The following NMT2 variants were observed in gnomAD, a reference collection of about 807,000 sequenced individuals.
The protein encoded by NMT2 is N-myristoyltransferase 2, also known as glycylpeptide N-tetradecanoyltransferase 2.
NMT2 carries 35 observed loss-of-function variants against 65.4 expected under a neutral mutation model. That is an observed-to-expected ratio of 0.54 (90% CI 0.41 to 0.71). The LOEUF (loss-of-function observed/expected upper bound fraction) is 0.71. NMT2 is among the 30% of genes least tolerant of loss of function. The probability of loss-of-function intolerance (pLI) is 0.00; values close to 1 mark genes in which losing one functional copy is unlikely to be tolerated. For synonymous variants in NMT2, 226 were observed against 231.8 expected (o/e 0.98, Z 0.23); for missense variants, 489 against 611.3 (o/e 0.80, Z 2.11).
intron 1 of NMT2, among the ~76,000 whole-genome samples, chr10:15,145,774 T>C (rs532130801): frequency 4.2e-4 from 64 of 151,926 alleles, no homozygotes; most frequent in African/African-American, 1.4e-3. Flanking sequence ...TCCCTGGGGG[T>C]GACAGGATGA....
At chr10:15,138,717 G>A (rs1203896766) in intron 2 of NMT2, among the ~76,000 whole-genome samples, 1 of 152,124 alleles carries the variant, frequency 6.6e-6, no homozygotes, top group Non-Finnish European at 1.5e-5. Context: ...AGAATATTCT[G>A]CAATGCAGTC....
rs754562984 is a variant in NMT2 at position 15,151,014 on chromosome 10, A to G, written c.111-9457T>C. 2.7e-5 allele frequency among the ~76,000 whole-genome samples: 4 copies of G among 149,964 alleles called. No individual in the cohort carries two copies. In the South Asian group the frequency reaches 8.4e-4, roughly 31 times the overall value. ...TTTTTGGTTCTCCTAAACCTGTACC[A>G]TATTTGAAATGTGGGAATGTATATT... On this transcript the variant is annotated intron_variant, in intron 1 of 11. Coordinates refer to ENST00000378165, the MANE Select transcript of NMT2 (RefSeq NM_004808.3).
chr10:15,146,826 C>T (rs1846981213), intron 1 of NMT2, among the ~76,000 whole-genome samples: 1 of 152,118 alleles, frequency 6.6e-6, no homozygotes, highest in Non-Finnish European at 1.5e-5. Context: ...GGTGCAGCGG[C>T]TCACGCCTGT....
At chr10:15,159,910 T>C (rs1833130495) in intron 1 of NMT2, among the ~76,000 whole-genome samples, 1 of 152,132 alleles carries the variant, frequency 6.6e-6, no homozygotes, top group African/African-American at 2.4e-5. Context: ...TGAGAGCAAC[T>C]GGGAAAGATG....
In NMT2 at chr10:15,141,531, T is replaced by G; in HGVS notation, c.137A>C (p.Lys46Thr). Residue 46 changes from lysine (K) to threonine (T), a missense_variant, in exon 2 of 12, where the codon AAA (lysine) becomes ACA (threonine). Physicochemically the swap from Lys to Thr is moderately conservative, Grantham distance 78. Coordinates refer to ENST00000378165, the MANE Select transcript of NMT2 (RefSeq NM_004808.3). Reference sequence around the variant, plus strand: ...TCTCTTCTGTTTCTTCTTTTTCTTTTTGGCTCCCAAATACCCTCCAGGACT... The same window carrying G: ...TCTCTTCTGTTTCTTCTTTTTCTTTGTGGCTCCCAAATACCCTCCAGGACT... ...KGSPGGYLGA[K>T]KKKKKQKRKK... The G allele has an allele frequency of 6.2e-7, 1 of 1,613,848 alleles. No homozygotes were observed. The highest frequency in any genetic ancestry group is 1.7e-5 in the Admixed American group (1 of 59,954).
At chr10:15,124,232 AC>A (rs1846012250) in intron 8 of NMT2, among the ~76,000 whole-genome samples, 1 of 152,222 alleles carries the variant, frequency 6.6e-6, no homozygotes, top group Non-Finnish European at 1.5e-5. Flanking sequence ...AAAAAACAAA[AC>A]AAAATAAAAT....
rs556453399 is a variant in NMT2 at position 15,133,136 on chromosome 10, C to T, written c.519G>A (p.Glu173=). Residue 173 remains glutamate (E), a synonymous_variant, in exon 5 of 12, where the codon GAG becomes GAA. Coordinates refer to ENST00000378165, the MANE Select transcript of NMT2 (RefSeq NM_004808.3). The part of the protein sequence containing the change: ...LDLSDAEVLK[E]LYTLLNENYV... ...AATTCTCATTTAACAACGTGTATAA[C>T]TCCTTGAGCTATAAGATAAAACAAG... is the stretch of plus-strand genomic sequence containing the variant. 3 of 1,613,160 alleles carry T rather than the reference C, an allele frequency of 1.9e-6. No individual in the cohort carries two copies. The highest frequency in any genetic ancestry group is 2.2e-5 in the South Asian group (2 of 91,062).
At position 15,108,902 on chromosome 10, in the gene NMT2, G is replaced by A; in HGVS notation, c.*293C>T. 1 of 1,165,374 alleles carries A rather than the reference G, an allele frequency of 8.6e-7. No homozygotes were observed. The highest frequency in any genetic ancestry group is 2.2e-5 in the South Asian group (1 of 45,478). The allele number at this position is 1,165,374 out of a possible 1,614,324, so 72.2% of individuals were successfully genotyped here. On this transcript the variant is annotated 3_prime_UTR_variant, in exon 12 of 12. Coordinates refer to ENST00000378165, the MANE Select transcript of NMT2 (RefSeq NM_004808.3). The stretch of plus-strand genomic sequence containing the variant: ...ATAGAAAAACAGTCCCTTTTCTAAG[G>A]GTGAAAAAATACCTCTTCAAGAGAC...
At chr10:15,156,388 C>T (rs755218544) in intron 1 of NMT2, among the ~76,000 whole-genome samples, 1 of 152,204 alleles carries the variant, frequency 6.6e-6, no homozygotes, top group South Asian at 2.1e-4. Flanking sequence ...CCTAAGGCTT[C>T]TCCAACTATG....
chr10:15,126,570 T>C (rs538698192), intron 8 of NMT2, among the ~76,000 whole-genome samples: 1 of 152,286 alleles, frequency 6.6e-6, no homozygotes, highest in South Asian at 2.1e-4. Context: ...TAAGCTGCCA[T>C]GCTGTGAGCT....
intron 2 of NMT2, among the ~76,000 whole-genome samples, chr10:15,136,962 T>C (rs146612321): frequency 6.6e-6 from 1 of 152,218 alleles, no homozygotes; most frequent in East Asian, 1.9e-4. Flanking sequence ...TACTGAGACA[T>C]TGTAGAACTT....
intron 9 of NMT2, among the ~76,000 whole-genome samples, chr10:15,118,831 G>A (rs1160410701): frequency 6.6e-6 from 1 of 152,132 alleles, no homozygotes; most frequent in Non-Finnish European, 1.5e-5. Flanking sequence ...TGAGCTATTT[G>A]GCAATTTCTA....
intron 8 of NMT2, among the ~76,000 whole-genome samples, chr10:15,126,862 T>C (rs376893408): frequency 1.3e-5 from 2 of 152,356 alleles, no homozygotes; most frequent in East Asian, 3.9e-4. Flanking sequence ...ATTTTTTACA[T>C]GGCCATAGAT....
Position 15,107,332 on chromosome 10 carries a change from C to G in NMT2, c.*1863G>C, listed in dbSNP as rs1564552980. The G allele has an allele frequency of 1.1e-5, 11 of 985,190 alleles. No homozygotes were observed. The highest frequency in any genetic ancestry group is 1.3e-5 in the Non-Finnish European group (11 of 829,828). The allele number at this position is 985,190 out of a possible 1,614,324, so 61.0% of individuals were successfully genotyped here. A position where few individuals can be genotyped will look rare whatever the true frequency, so the allele number is the denominator to read the frequency against. Reference sequence around the variant, plus strand: ...CAGGCCATAGTTTGGTGGCCCCTGCCTGGGATAAGATATGATTGGTTTCAC... The same window carrying G: ...CAGGCCATAGTTTGGTGGCCCCTGCGTGGGATAAGATATGATTGGTTTCAC... On this transcript the variant is annotated 3_prime_UTR_variant, in exon 12 of 12. Coordinates refer to ENST00000378165, the MANE Select transcript of NMT2 (RefSeq NM_004808.3).
intron 10 of NMT2, among the ~76,000 whole-genome samples, chr10:15,111,139 AG>A (rs1351646825): frequency 6.6e-6 from 1 of 152,128 alleles, no homozygotes; most frequent in Non-Finnish European, 1.5e-5. Context: ...TTTCATCTCC[AG>A]GATTATTAAT....
chr10:15,147,840 A>G (rs757996394), intron 1 of NMT2, among the ~76,000 whole-genome samples: 15 of 152,258 alleles, frequency 9.9e-5, no homozygotes, highest in Non-Finnish European at 2.1e-4. Context: ...GAAGGAAACA[A>G]TTACTCAAAC....
chr10:15,133,426 T>G, intron 3 of NMT2, 63 bp from the exon 4 acceptor site: 1 of 1,305,704 alleles, frequency 7.7e-7, no homozygotes, highest in Non-Finnish European at 1.1e-6. Flanking sequence ...TGACAAAGTA[T>G]TCTAACCATC....
chr10:15,142,990 T>G (rs370768726), intron 1 of NMT2, among the ~76,000 whole-genome samples: 41 of 152,332 alleles, frequency 2.7e-4, no homozygotes, highest in African/African-American at 9.6e-4. Flanking sequence ...GTGTGATTTA[T>G]GTATGCATTT....
rs141559838 is a variant in NMT2, at chr10:15,130,258, C to T, written c.774G>A (p.Ser258=). The change falls in exon 7 of 12, where the codon TCG becomes TCA. Residue 258 remains serine (S), a synonymous_variant. Transcript: ENST00000378165. ...NFLCVHKKLR[S]KRVAPVLIRE... ...GGATTAGCACTGGGGCTACCCGTTT[C>T]GATCTCAACTTCTTATGAACACAAA... The T allele has an allele frequency of 3.4e-5, 54 of 1,606,156 alleles. 1 individual carries two copies. The Middle Eastern group carries it at 8.3e-4, about 25-fold the overall frequency.
Sources: gnomAD v4.1 joint callset for allele counts (sites outside exome capture counted in the v4.1 genomes callset) on GRCh38, gnomAD v4.1.1 for gene constraint, MANE v1.5 for transcripts, NCBI Gene and HGNC (gene_info 2026-07-23, HGNC 2026-07-21) for gene names.